TBCD: variants seen among roughly 807,000 people sequenced by gnomAD.
The protein encoded by TBCD is tubulin-specific chaperone D.
In TBCD, 105 loss-of-function variants were observed where a neutral mutation model predicts 169.3. The observed-to-expected ratio is 0.62, with a 90% CI of 0.53 to 0.73. TBCD has a LOEUF of 0.73. TBCD is among the 30% of genes least tolerant of loss of function. TBCD has a pLI of 0.00. For missense variants in TBCD, 1,444 were observed against 1,600.1 expected (o/e 0.90, Z 1.66); for synonymous variants, 700 against 643.9 (o/e 1.09, Z -1.32).
At chr17:82,775,421 AC>A (rs1196961363) in intron 6 of TBCD, among the ~76,000 whole-genome samples, 6 of 151,680 alleles carry the variant, frequency 4.0e-5, no homozygotes, top group African/African-American at 1.5e-4. Context: ...TACTTCTCAG[AC>A]CCCTTTTTGG....
chr17:82,861,225 T>C (rs1014257085), intron 13 of TBCD, among the ~76,000 whole-genome samples: 1 of 152,182 alleles, frequency 6.6e-6, no homozygotes, highest in Non-Finnish European at 1.5e-5. Context: ...CACCCAGTCC[T>C]GCCAGGCGTT....
chr17:82,893,971 C>T lies in TBCD; in HGVS notation c.1649+339C>T, dbSNP rs1433109833. 2.4e-5 allele frequency among the ~76,000 whole-genome samples: 3 copies of T among 123,142 alleles called. No homozygotes were observed. The East Asian group carries it at 6.5e-4, about 27-fold the overall frequency. 80.8% of individuals were successfully genotyped at this position (123,142 alleles called of 152,430 possible). ...TTACCCGTGCTGGTTCTGTGTGGGG[C>T]TTGGAGTTTGAGAGGAAGCAGCTGC... On this transcript the variant is annotated intron_variant, in intron 17 of 38. Coordinates refer to ENST00000355528, the MANE Select transcript of TBCD (RefSeq NM_005993.5).
At position 82,831,494 on chromosome 17, in the gene TBCD, A is replaced by G. The variant is rs1206564899; in HGVS notation, c.1318+16560A>G. The G allele has an allele frequency of 2.5e-6, 4 of 1,614,146 alleles. No individual in the cohort carries two copies. In the South Asian group the frequency reaches 4.4e-5, roughly 18 times the overall value. On this transcript the variant is annotated intron_variant, in intron 13 of 38. Coordinates refer to ENST00000355528, the MANE Select transcript of TBCD (RefSeq NM_005993.5). The surrounding 1 kb of genome is among the most constrained non-coding windows in gnomAD (Gnocchi z 4.6). Reference sequence around the variant, plus strand: ...GAAAATGCAGACTCTGGCCTGTAAAATCCGTAAGGAATCGGCAGGTTAGAG... The same window carrying G: ...GAAAATGCAGACTCTGGCCTGTAAAGTCCGTAAGGAATCGGCAGGTTAGAG...
In TBCD at chr17:82,805,898, T is replaced by C. The variant is rs1462575245; in HGVS notation, c.974T>C (p.Leu325Ser). Residue 325 changes from leucine (L) to serine (S), a missense_variant, in exon 10 of 39, where the codon TTG becomes TCG. Leu to Ser is a moderately radical substitution (Grantham distance 145). Coordinates refer to ENST00000355528, the MANE Select transcript of TBCD (RefSeq NM_005993.5). The stretch of plus-strand genomic sequence containing the variant: ...AGGTACCAGCGTGGCTGCCGATCTT[T>C]GGCTGCAAATCTGCAGCTCCTCACT... ...AWRYQRGCRS[L>S]AANLQLLTQG... 1.2e-6 allele frequency: 2 copies of C among 1,610,462 alleles called. No homozygotes were observed. Among genetic ancestry groups the C allele is most frequent in the Non-Finnish European group, 1.7e-6 (2 of 1,176,918 alleles).
chr17:82,887,168 T>TGCGCGCGCGCGC (rs113145269), intron 15 of TBCD, among the ~76,000 whole-genome samples: 54 of 126,180 alleles, frequency 4.3e-4, no homozygotes, highest in African/African-American at 5.3e-4. Context: ...TGTGTGTGTG[T>TGCGCGCGCGCGC]GCGCGCGCGC....
Position 82,889,160 on chromosome 17 carries a change from C to G in TBCD, c.1534-508C>G, listed in dbSNP as rs903298289. 2.6e-5 allele frequency among the ~76,000 whole-genome samples: 4 copies of G among 152,162 alleles called. No homozygotes were observed. The highest frequency in any genetic ancestry group is 2.0e-4 in the Admixed American group (3 of 15,282). On this transcript the variant is annotated intron_variant, in intron 15 of 38. Transcript: ENST00000355528. This position sits in a 1 kb window ranked among gnomAD's most constrained non-coding sequence, Gnocchi z 5.3. ...GGAAGCACTTCATCCTGTTGAAGTT[C>G]ACATTTTGACCTTTTCAGCAGCCCT...
In TBCD at chr17:82,884,980, G is replaced by A. The variant is rs1171198544; in HGVS notation, c.1533+778G>A. The A allele has an allele frequency of 6.6e-6, 1 of 152,404 alleles. No homozygotes were observed. The highest frequency in any genetic ancestry group is 2.4e-5 in the African/African-American group (1 of 41,450). The allele number at this position is 152,404 out of a possible 1,614,324, so 9.4% of individuals were successfully genotyped here. The stretch of plus-strand genomic sequence containing the variant: ...CCCTTTGAGAAAGATGGAGGGGTGA[G>A]GTTGGCTTTTGGTGATGGGGTGGGC... On this transcript the variant is annotated intron_variant, in intron 15 of 38. Transcript: ENST00000355528. This position sits in a 1 kb window ranked among gnomAD's most constrained non-coding sequence, Gnocchi z 4.2.
At chr17:82,929,341 G>T in intron 31 of TBCD, 21 bp from the exon 32 acceptor site, 1 of 1,610,730 alleles carries the variant, frequency 6.2e-7, no homozygotes. Context: ...GCCCGGCCTT[G>T]TCTCACTCAC....
rs530447763 is a variant in TBCD at position 82,901,655 on chromosome 17, C to G, written c.1730+924C>G. ...CCTGGGGAGCGGCCCGGCTACCTGC[C>G]GTGGTCCTGCTGCCTGGGGAGCGGC... On this transcript the variant is annotated intron_variant, in intron 18 of 38. Coordinates refer to ENST00000355528, the MANE Select transcript of TBCD (RefSeq NM_005993.5). Among the ~76,000 whole-genome samples the G allele has an allele frequency of 3.5e-3, 512 of 145,730 alleles. 4 individuals are homozygous for G. Among genetic ancestry groups the G allele is most frequent in the African/African-American group, 0.011 (433 of 39,108 alleles).
chr17:82,907,727 G>A (rs1031228492), intron 20 of TBCD, 34 bp from the exon 21 acceptor site: 2 of 1,612,584 alleles, frequency 1.2e-6, no homozygotes, highest in South Asian at 1.1e-5. Flanking sequence ...GTCTTGGGGA[G>A]TGTGACTTCA....
chr17:82,931,755 G>A (rs2062231748), intron 33 of TBCD, among the ~76,000 whole-genome samples: 2 of 152,212 alleles, frequency 1.3e-5, no homozygotes, highest in Non-Finnish European at 2.9e-5. Flanking sequence ...CTCTCCTGAT[G>A]CTCCTGTCGC....
intron 34 of TBCD, among the ~76,000 whole-genome samples, chr17:82,933,107 G>T (rs2062343404): frequency 6.6e-6 from 1 of 152,128 alleles, no homozygotes; most frequent in African/African-American, 2.4e-5. Context: ...AGGGGAGAGG[G>T]CAGAGGCCGG....
rs546778201 is a variant in TBCD at position 82,940,081 on chromosome 17, G to A, written c.3479+605G>A. 2.5e-4 allele frequency among the ~76,000 whole-genome samples: 38 copies of A among 152,306 alleles called. No individual in the cohort carries two copies. In the East Asian group the frequency reaches 4.4e-3, roughly 18 times the overall value. On this transcript the variant is annotated intron_variant, in intron 37 of 38. Coordinates refer to ENST00000355528, the MANE Select transcript of TBCD (RefSeq NM_005993.5). ...TATTGAGTTGGGGGTGGGAGGGTCTGAATGAGAGCAGAGTGGGGAAAGTGC... is the reference window on the plus strand; with the variant it reads ...TATTGAGTTGGGGGTGGGAGGGTCTAAATGAGAGCAGAGTGGGGAAAGTGC...
chr17:82,909,793 C>G (rs952324252), intron 22 of TBCD, among the ~76,000 whole-genome samples: 1 of 152,256 alleles, frequency 6.6e-6, no homozygotes, highest in East Asian at 1.9e-4. Flanking sequence ...GTTCCCAGGA[C>G]TTGCTGGTCA....
intron 38 of TBCD, chr17:82,941,997 C>G (rs1186619427): frequency 4.0e-6 from 1 of 247,170 alleles, no homozygotes; most frequent in Admixed American, 5.5e-5. Flanking sequence ...GCTCCTTCCT[C>G]TCAGCCTCCT....
At position 82,808,889 on chromosome 17, in the gene TBCD, ATGGAGGGGACAAGGCAGG is replaced by A. The variant is rs1277776708; in HGVS notation, c.1149-809_1149-792del. ...CTGAGGTATCAGGGTGGTCCCTGCT[ATGGAGGGGACAAGGCAGG>A]TGGAGGGGATAAGGCAGGTGCAGGG... On this transcript the variant is annotated intron_variant, in intron 11 of 38. Transcript: ENST00000355528. 3.1e-5 allele frequency among the ~76,000 whole-genome samples: 3 copies of A among 98,320 alleles called. No homozygotes were observed. In the East Asian group the frequency reaches 1.1e-3, roughly 36 times the overall value. The allele number at this position is 98,320 out of a possible 152,430, so 64.5% of individuals were successfully genotyped here. A position where few individuals can be genotyped will look rare whatever the true frequency, so the allele number is the denominator to read the frequency against.
chr17:82,902,990 G>T (rs2059991035), intron 18 of TBCD, among the ~76,000 whole-genome samples: 1 of 152,216 alleles, frequency 6.6e-6, no homozygotes, highest in African/African-American at 2.4e-5. Context: ...GTCTGATGAG[G>T]CAGTTATTGG....
intron 34 of TBCD, among the ~76,000 whole-genome samples, chr17:82,934,470 T>G (rs926034483): frequency 1.3e-5 from 2 of 152,048 alleles, no homozygotes; most frequent in East Asian, 3.9e-4. Flanking sequence ...TGCTAAATAC[T>G]CCATTTAAAT....
chr17:82,862,430 G>A (rs1418386467), intron 13 of TBCD, among the ~76,000 whole-genome samples: 2 of 151,948 alleles, frequency 1.3e-5, no homozygotes, highest in Non-Finnish European at 2.9e-5. Flanking sequence ...GACCAGCCTG[G>A]GGGTCCTTGG....
Sources: gnomAD v4.1 joint callset for allele counts (sites outside exome capture counted in the v4.1 genomes callset) on GRCh38, gnomAD v4.1.1 for gene constraint, Gnocchi (gnomAD v3.1) non-coding constraint, MANE v1.5 for transcripts, NCBI Gene and HGNC (gene_info 2026-07-23, HGNC 2026-07-21) for gene names.